Variants in SLC1A6 observed in about 807,000 individuals in gnomAD.
The protein encoded by SLC1A6 is excitatory amino acid transporter 4.
SLC1A6 carries 15 observed loss-of-function variants against 42.1 expected under a neutral mutation model. The observed-to-expected ratio is 0.36, with a 90% CI of 0.24 to 0.55. The LOEUF (loss-of-function observed/expected upper bound fraction) is 0.55, where lower values mean the gene tolerates loss of function less well. Ranked by LOEUF, SLC1A6 falls within the 20% of genes least tolerant of loss-of-function variation. SLC1A6 has a pLI of 0.88. For synonymous variants in SLC1A6, 317 were observed against 319.7 expected, an observed-to-expected ratio of 0.99 and a Z score of 0.09; for missense variants, 542 against 772.5, an observed-to-expected ratio of 0.70 and a Z score of 3.54.
At chr19:14,978,508 C>A (rs1293979188) in intron 1 of SLC1A6, among the ~76,000 whole-genome samples, 4 of 152,096 alleles carry the variant, frequency 2.6e-5, no homozygotes, top group African/African-American at 9.7e-5. Flanking sequence ...TTCAGACATG[C>A]AACCACACAC....
intron 1 of SLC1A6, among the ~76,000 whole-genome samples, chr19:14,991,654 C>T (rs2045820709): frequency 6.7e-6 from 1 of 149,260 alleles, no homozygotes; most frequent in South Asian, 2.1e-4. Context: ...TTACATTACA[C>T]AAATTTCACT....
chr19:14,968,190 C>T (rs763205273), intron 4 of SLC1A6, 113 bp downstream of exon 4: 5 of 860,506 alleles, frequency 5.8e-6, no homozygotes, highest in Non-Finnish European at 9.0e-6. Context: ...TGCTCTTGAC[C>T]GGACGCATGC....
intron 9 of SLC1A6, among the ~76,000 whole-genome samples, chr19:14,952,581 C>T (rs539012963): frequency 7.4e-4 from 113 of 152,028 alleles, no homozygotes; most frequent in African/African-American, 2.6e-3. Context: ...CGTGCCACCA[C>T]GCCCAGCTAA....
intron 1 of SLC1A6, among the ~76,000 whole-genome samples, chr19:15,000,700 C>T (rs929488208): frequency 6.6e-6 from 1 of 152,172 alleles, no homozygotes; most frequent in South Asian, 2.1e-4. Context: ...CATACTGATG[C>T]CATTTCCTTT....
intron 1 of SLC1A6, among the ~76,000 whole-genome samples, chr19:15,006,833 T>C (rs2045898293): frequency 6.6e-6 from 1 of 151,772 alleles, no homozygotes; most frequent in Non-Finnish European, 1.5e-5. Flanking sequence ...ATGCCCGTAG[T>C]CCTAGATACT....
chr19:14,976,737 G>C (rs8111088), intron 1 of SLC1A6: 109,429 of 151,254 alleles, frequency 0.72, 39,909 homozygotes, highest in African/African-American at 0.82. Flanking sequence ...TTTCTCACCC[G>C]CACCCCAGCC....
intron 1 of SLC1A6, among the ~76,000 whole-genome samples, chr19:15,000,464 G>A (rs2045867332): frequency 6.6e-6 from 1 of 152,174 alleles, no homozygotes; most frequent in South Asian, 2.1e-4. Context: ...AGAAGATGCA[G>A]TATTTGTCTT....
At chr19:14,950,529 A>G (rs935223767) in intron 9 of SLC1A6, 139 bp from the exon 10 acceptor site, 12 of 514,564 alleles carry the variant, frequency 2.3e-5, no homozygotes, top group Non-Finnish European at 3.7e-5. Context: ...CATGTCCCCA[A>G]GCAGGTTCTT....
At chr19:14,988,661 G>T (rs2366857) in intron 1 of SLC1A6, among the ~76,000 whole-genome samples, 81,170 of 151,972 alleles carry the variant, frequency 0.53, 21,834 homozygotes, top group South Asian at 0.68. Context: ...AATCATGTCT[G>T]TTGCAACAAC....
intron 1 of SLC1A6, among the ~76,000 whole-genome samples, chr19:14,991,919 G>A (rs10415846): frequency 0.5 from 76,124 of 151,244 alleles, 19,431 homozygotes; most frequent in South Asian, 0.63. Context: ...TCCGCCTCCC[G>A]GGTTCTAGTG....
chr19:14,994,380 C>T (rs1334175929), intron 1 of SLC1A6, among the ~76,000 whole-genome samples: 1 of 152,142 alleles, frequency 6.6e-6, no homozygotes, highest in Non-Finnish European at 1.5e-5. Context: ...GTAGTAACAG[C>T]TCCCTCCCCT....
At chr19:14,987,170 G>A (rs1471538334) in intron 1 of SLC1A6, among the ~76,000 whole-genome samples, 2 of 152,012 alleles carry the variant, frequency 1.3e-5, no homozygotes, top group African/African-American at 2.4e-5. Context: ...GTCCTATGGG[G>A]AAAAAACAAT....
At chr19:14,975,553 G>A (rs1380178848) in intron 1 of SLC1A6, among the ~76,000 whole-genome samples, 8 of 152,086 alleles carry the variant, frequency 5.3e-5, no homozygotes, top group Middle Eastern at 3.4e-3. Context: ...TCAGGAGTTC[G>A]AGACCAGCCT....
chr19:14,964,153 C>G (rs1307406780), intron 5 of SLC1A6, 166 bp downstream of exon 5: 2 of 651,370 alleles, frequency 3.1e-6, no homozygotes, highest in African/African-American at 1.8e-5. Flanking sequence ...CTAACCCCCC[C>G]AGATCACCAT....
chr19:15,008,817 T>C (rs1293505131), intron 1 of SLC1A6, among the ~76,000 whole-genome samples: 1 of 146,684 alleles, frequency 6.8e-6, no homozygotes, highest in African/African-American at 2.5e-5. Flanking sequence ...AAACCCCACC[T>C]CCACTAAAAA....
intron 2 of SLC1A6, 74 bp from the exon 3 acceptor site, chr19:14,971,948 G>C (rs771105000): frequency 2.6e-5 from 39 of 1,501,500 alleles, no homozygotes; most frequent in Non-Finnish European, 3.6e-5. Context: ...TCCATCCCAA[G>C]AAGGGTAGGG....
chr19:15,008,732 T>G (rs928808828), intron 1 of SLC1A6, among the ~76,000 whole-genome samples: 1 of 152,040 alleles, frequency 6.6e-6, no homozygotes, highest in African/African-American at 2.4e-5. Context: ...CCCTGTAATC[T>G]CAGCATTTTG....
At chr19:14,997,348 A>C (rs973270708) in intron 1 of SLC1A6, among the ~76,000 whole-genome samples, 2 of 152,074 alleles carry the variant, frequency 1.3e-5, no homozygotes, top group Admixed American at 6.6e-5. Context: ...AAATGTATAA[A>C]ACCAAGCTGT....
At chr19:15,000,335 GC>G (rs2045866830) in intron 1 of SLC1A6, among the ~76,000 whole-genome samples, 1 of 152,028 alleles carries the variant, frequency 6.6e-6, no homozygotes, top group Non-Finnish European at 1.5e-5. Flanking sequence ...TTCTCTTCTA[GC>G]TAAAATTTTG....
Sources: gnomAD v4.1 joint callset for allele counts (sites outside exome capture counted in the v4.1 genomes callset) on GRCh38, gnomAD v4.1.1 for gene constraint, MANE v1.5 for transcripts, NCBI Gene and HGNC (gene_info 2026-07-23, HGNC 2026-07-21) for gene names.